Variants in MICU1 observed in about 807,000 individuals in gnomAD.
MICU1 encodes calcium uptake protein 1, mitochondrial.
In MICU1, 45 loss-of-function variants were observed where a neutral mutation model predicts 56.8. That is an observed-to-expected ratio of 0.79 (90% CI 0.62 to 1.02). MICU1 has a LOEUF of 1.02. Among genes scored for constraint, MICU1 ranks in the 50% least tolerant of loss-of-function variants. The pLI is 0.00. For synonymous variants in MICU1, 186 were observed against 195.1 expected (o/e 0.95, Z 0.39); for missense variants, 504 against 587.1 (o/e 0.86, Z 1.46).
chr10:72,588,269 G>A (rs1488666213), intron 1 of MICU1, among the ~76,000 whole-genome samples: 1 of 151,798 alleles, frequency 6.6e-6, no homozygotes, highest in Admixed American at 6.6e-5. Context: ...TACCTGTACA[G>A]CCTGCAGAAC....
At chr10:72,438,043 T>C (rs1020414435) in intron 8 of MICU1, among the ~76,000 whole-genome samples, 3 of 152,208 alleles carry the variant, frequency 2.0e-5, no homozygotes, top group African/African-American at 7.2e-5. Flanking sequence ...CTGCAACAAG[T>C]GGACCTAATA....
intron 8 of MICU1, among the ~76,000 whole-genome samples, chr10:72,453,184 A>G (rs1466857627): frequency 2.0e-5 from 3 of 152,182 alleles, no homozygotes; most frequent in African/African-American, 4.8e-5. Flanking sequence ...TGAACGCAAA[A>G]CCACATTAAC....
Position 72,508,289 on chromosome 10 carries a change from C to A in MICU1, c.538-20G>T. The A allele has an allele frequency of 9.1e-7, 1 of 1,094,506 alleles. No homozygotes were observed. The highest frequency in any genetic ancestry group is 1.3e-6 in the Non-Finnish European group (1 of 765,800). The allele number at this position is 1,094,506 out of a possible 1,614,324, so 67.8% of individuals were successfully genotyped here. A position where few individuals can be genotyped will look rare whatever the true frequency, so the allele number is the denominator to read the frequency against. On this transcript the variant is annotated intron_variant, in intron 5 of 11. Coordinates refer to ENST00000361114, the MANE Select transcript of MICU1 (RefSeq NM_001195518.2). ...AATTTTCTATAGAATGTATGGGTCC[C>A]ACCAAAAGACAAAAATATATAAGTG...
chr10:72,561,500 T>C (rs978540994), intron 3 of MICU1, among the ~76,000 whole-genome samples: 4 of 152,220 alleles, frequency 2.6e-5, no homozygotes, highest in Non-Finnish European at 4.4e-5. Flanking sequence ...GATTTGGGTA[T>C]AGAGAAAACA....
chr10:72,387,771 C>CT (rs61286167), intron 10 of MICU1, among the ~76,000 whole-genome samples: 62,031 of 139,080 alleles, frequency 0.45, 17,026 homozygotes, highest in Non-Finnish European at 0.64. Context: ...TTATCTGGTG[C>CT]TTTTTTTTTT....
At chr10:72,475,455 G>GTC (rs1173908204) in intron 7 of MICU1, among the ~76,000 whole-genome samples, 158 bp from the exon 8 acceptor site, 1 of 149,176 alleles carries the variant, frequency 6.7e-6, no homozygotes, top group African/African-American at 2.5e-5. Flanking sequence ...TTGAGACAGA[G>GTC]TCTCTCTCTG....
intron 3 of MICU1, among the ~76,000 whole-genome samples, chr10:72,557,145 G>A (rs763449840): frequency 1.1e-4 from 17 of 152,228 alleles, no homozygotes; most frequent in Non-Finnish European, 2.2e-4. Flanking sequence ...GTTAGGGTAG[G>A]TTAAAATGCT....
intron 5 of MICU1, among the ~76,000 whole-genome samples, chr10:72,523,341 T>C (rs1867878365): frequency 6.6e-6 from 1 of 152,216 alleles, no homozygotes; most frequent in Non-Finnish European, 1.5e-5. Flanking sequence ...TGTTCTAAAA[T>C]AGAATTCCCA....
intron 2 of MICU1, among the ~76,000 whole-genome samples, chr10:72,566,291 C>T (rs2132474902): frequency 6.6e-6 from 1 of 152,202 alleles, no homozygotes; most frequent in South Asian, 2.1e-4. Context: ...AGTGATCCAA[C>T]CACCTTGGGC....
intron 1 of MICU1, among the ~76,000 whole-genome samples, chr10:72,620,867 C>T (rs1040839456): frequency 1.3e-5 from 2 of 152,178 alleles, no homozygotes; most frequent in Non-Finnish European, 2.9e-5. Flanking sequence ...TTTCAACTGA[C>T]ATTCTGTTAC....
intron 10 of MICU1, among the ~76,000 whole-genome samples, chr10:72,403,783 G>A (rs951802130): frequency 6.6e-6 from 1 of 151,692 alleles, no homozygotes; most frequent in Admixed American, 6.6e-5. Flanking sequence ...AGCCTCCCAA[G>A]TAGTTGGGAC....
chr10:72,390,188 G>GA (rs549489179), intron 10 of MICU1, among the ~76,000 whole-genome samples: 81 of 151,318 alleles, frequency 5.4e-4, no homozygotes, highest in African/African-American at 1.9e-3. Context: ...CAGAAAAAAT[G>GA]AAAAAAAGAA....
intron 4 of MICU1, among the ~76,000 whole-genome samples, chr10:72,545,499 G>T (rs182460860): frequency 1.3e-5 from 2 of 152,332 alleles, no homozygotes; most frequent in Non-Finnish European, 2.9e-5. Flanking sequence ...AGGGCTTACA[G>T]GCAGATTCAA....
chr10:72,459,589 T>A (rs1158171697), intron 8 of MICU1, among the ~76,000 whole-genome samples: 1 of 152,182 alleles, frequency 6.6e-6, no homozygotes, highest in Non-Finnish European at 1.5e-5. Context: ...TACTTTATTC[T>A]GTACAACTTA....
intron 1 of MICU1, among the ~76,000 whole-genome samples, chr10:72,602,583 G>A (rs1841569275): frequency 6.6e-6 from 1 of 152,114 alleles, no homozygotes; most frequent in Non-Finnish European, 1.5e-5. Flanking sequence ...AGAATGTACA[G>A]GAAATAAAAG....
intron 1 of MICU1, among the ~76,000 whole-genome samples, chr10:72,603,647 A>G (rs1428127940): frequency 6.6e-6 from 1 of 151,926 alleles, no homozygotes; most frequent in Non-Finnish European, 1.5e-5. Context: ...TCTACCAAAA[A>G]TACAAAATTA....
chr10:72,453,311 T>C (rs1336125197), intron 8 of MICU1, among the ~76,000 whole-genome samples: 24 of 152,130 alleles, frequency 1.6e-4, no homozygotes. Context: ...TAAAACTTAA[T>C]TCAAATCCAC....
intron 1 of MICU1, among the ~76,000 whole-genome samples, chr10:72,617,247 G>C (rs1842003640): frequency 2.0e-5 from 3 of 151,868 alleles, no homozygotes. Context: ...CCAAAAATAT[G>C]GACTTTTTTC....
intron 8 of MICU1, among the ~76,000 whole-genome samples, chr10:72,457,332 C>G (rs536871524): frequency 1.3e-5 from 2 of 151,622 alleles, no homozygotes; most frequent in African/African-American, 4.8e-5. Flanking sequence ...ATCCTCCTGC[C>G]TCAGCCTCCC....
Sources: gnomAD v4.1 joint callset for allele counts (sites outside exome capture counted in the v4.1 genomes callset) on GRCh38, gnomAD v4.1.1 for gene constraint, MANE v1.5 for transcripts, NCBI Gene and HGNC (gene_info 2026-07-23, HGNC 2026-07-21) for gene names.